SEPHS1: variants seen among roughly 807,000 people sequenced by gnomAD.
SEPHS1 encodes zincore component SEPHS1.
Under a neutral mutation model 39.2 loss-of-function variants are expected in SEPHS1, and 7 were observed. That is an observed-to-expected ratio of 0.18 (90% CI 0.10 to 0.34). The LOEUF is 0.34. Among genes scored for constraint, SEPHS1 ranks in the 10% least tolerant of loss-of-function variants. The pLI, the probability that SEPHS1 is intolerant of heterozygous loss-of-function variation, is 1.00. For synonymous variants in SEPHS1, 190 were observed against 195.5 expected (o/e 0.97, Z 0.23); for missense variants, 253 against 514.5 (o/e 0.49, Z 4.92).
At chr10:13,325,860 T>C (rs1165047873) in intron 7 of SEPHS1, among the ~76,000 whole-genome samples, 1 of 112,240 alleles carries the variant, frequency 8.9e-6, no homozygotes, top group African/African-American at 3.4e-5. Flanking sequence ...ATCACCCCAC[T>C]GCACTCCAGC....
chr10:13,339,606 G>A (rs899783837), intron 2 of SEPHS1, among the ~76,000 whole-genome samples: 1 of 151,518 alleles, frequency 6.6e-6, no homozygotes. Context: ...CTCTTATGAG[G>A]ACAGCTGTTC....
intron 7 of SEPHS1, 117 bp downstream of exon 7, chr10:13,328,234 T>G: frequency 1.5e-6 from 1 of 679,614 alleles, no homozygotes; most frequent in East Asian, 2.6e-5. Flanking sequence ...GAAGACGGTC[T>G]GTAGTCACTG....
chr10:13,333,528 C>T (rs1013450108), intron 5 of SEPHS1, among the ~76,000 whole-genome samples: 1 of 151,928 alleles, frequency 6.6e-6, no homozygotes, highest in East Asian at 1.9e-4. Flanking sequence ...GCAACCTCCA[C>T]CCCTGGGGTT....
intron 4 of SEPHS1, among the ~76,000 whole-genome samples, chr10:13,335,132 C>T (rs1257041267): frequency 6.6e-6 from 1 of 152,222 alleles, no homozygotes; most frequent in African/African-American, 2.4e-5. Flanking sequence ...AAGTACCTGT[C>T]TATCTAAATA....
intron 1 of SEPHS1, chr10:13,347,164 C>T (rs1160987056): frequency 1.3e-5 from 2 of 148,830 alleles, no homozygotes; most frequent in Non-Finnish European, 3.0e-5. Flanking sequence ...CCCTTTCCTT[C>T]CCGGGCACAT....
chr10:13,344,702 A>T (rs1342264374), intron 2 of SEPHS1, 56 bp downstream of exon 2: 3 of 1,258,292 alleles, frequency 2.4e-6, no homozygotes, highest in Non-Finnish European at 3.1e-6. Context: ...CGAGAAATCC[A>T]GTTTTTGACT....
intron 7 of SEPHS1, among the ~76,000 whole-genome samples, chr10:13,325,405 G>A (rs893485851): frequency 2.0e-5 from 3 of 152,118 alleles, no homozygotes; most frequent in Non-Finnish European, 4.4e-5. Flanking sequence ...TGAATCATGA[G>A]GGCGGTTTCC....
At chr10:13,319,420 G>A (rs1833036146) in intron 8 of SEPHS1, 64 bp from the exon 9 acceptor site, 2 of 1,546,134 alleles carry the variant, frequency 1.3e-6, no homozygotes, top group Admixed American at 1.9e-5. Context: ...TGCCTCTGCT[G>A]CTTCTGCAGA....
Position 13,329,734 on chromosome 10 carries a change from T to C in SEPHS1, c.615A>G (p.Thr205=), listed in dbSNP as rs1018642519. 4 of 1,609,446 alleles carry C rather than the reference T, an allele frequency of 2.5e-6. No individual in the cohort carries two copies. Among genetic ancestry groups the C allele is most frequent in the Non-Finnish European group, 3.4e-6 (4 of 1,178,300 alleles). The change falls in exon 6 of 9, where the codon ACA becomes ACG. Residue 205 remains threonine (T), a synonymous_variant. Transcript: ENST00000327347. The stretch of plus-strand genomic sequence containing the variant: ...ACTGGTGCACAGCCACTGCCACCTG[T>C]GTCCCCAGGGGTTTTGTCAGCACCA... The part of the protein sequence containing the change: ...DVLVLTKPLG[T]QVAVAVHQWL...
At chr10:13,335,105 G>A (rs1380568597) in intron 4 of SEPHS1, among the ~76,000 whole-genome samples, 1 of 152,222 alleles carries the variant, frequency 6.6e-6, no homozygotes, top group Non-Finnish European at 1.5e-5. Context: ...ACTGTTGGGG[G>A]CTCTTGGGAC....
At chr10:13,329,349 C>T (rs1833400561) in intron 6 of SEPHS1, among the ~76,000 whole-genome samples, 1 of 152,202 alleles carries the variant, frequency 6.6e-6, no homozygotes, top group Non-Finnish European at 1.5e-5. Flanking sequence ...ATACCCCAAA[C>T]ACTACGCCTT....
At chr10:13,324,356 C>T (rs922220870) in intron 7 of SEPHS1, among the ~76,000 whole-genome samples, 4 of 152,210 alleles carry the variant, frequency 2.6e-5, no homozygotes, top group African/African-American at 9.7e-5. Flanking sequence ...TGAATGGCTG[C>T]TTCCAAGTTC....
intron 4 of SEPHS1, among the ~76,000 whole-genome samples, chr10:13,334,430 A>G (rs1194607190): frequency 6.6e-6 from 1 of 152,252 alleles, no homozygotes; most frequent in East Asian, 1.9e-4. Flanking sequence ...AATCCCAGCT[A>G]CTTGGGAGGC....
intron 1 of SEPHS1, among the ~76,000 whole-genome samples, chr10:13,347,052 A>G (rs1833942919): frequency 6.6e-6 from 1 of 152,182 alleles, no homozygotes; most frequent in African/African-American, 2.4e-5. Context: ...TTAGGGAACC[A>G]GGGGGATCCA....
chr10:13,337,740 T>C lies in SEPHS1; in HGVS notation c.297+965A>G, dbSNP rs551315987. ...AAACAATGGACTGTGGTTTTAGCCATCCCTGCCACCTGGTCATGTGGGACC... is the reference window on the plus strand; with the variant it reads ...AAACAATGGACTGTGGTTTTAGCCACCCCTGCCACCTGGTCATGTGGGACC... On this transcript the variant is annotated intron_variant, in intron 3 of 8. Coordinates refer to ENST00000327347, the MANE Select transcript of SEPHS1 (RefSeq NM_012247.5). Among the ~76,000 whole-genome samples the C allele has an allele frequency of 5.3e-5, 8 of 152,308 alleles. No homozygotes were observed. The East Asian group carries it at 7.7e-4, about 15-fold the overall frequency.
intron 4 of SEPHS1, among the ~76,000 whole-genome samples, chr10:13,335,026 T>C (rs1244717791): frequency 6.6e-6 from 1 of 152,174 alleles, no homozygotes; most frequent in Non-Finnish European, 1.5e-5. Flanking sequence ...GCACCACTGA[T>C]GACTACAGCC....
intron 8 of SEPHS1, among the ~76,000 whole-genome samples, chr10:13,321,633 G>A (rs1298329990): frequency 6.6e-6 from 1 of 152,130 alleles, no homozygotes; most frequent in Non-Finnish European, 1.5e-5. Context: ...CCGAAAAAAA[G>A]GGAAAAACAG....
Position 13,344,763 on chromosome 10 carries a change from C to T in SEPHS1, c.188G>A (p.Arg63Lys). Residue 63 changes from arginine (R) to lysine (K), a missense_variant, in exon 2 of 9, where the codon AGG becomes AAG. Arg to Lys is a conservative substitution (Grantham distance 26, BLOSUM62 2). Coordinates refer to ENST00000327347, the MANE Select transcript of SEPHS1 (RefSeq NM_012247.5). ...DEQFLGAVMP[R>K]LGIGMDTCVI... The stretch of plus-strand genomic sequence containing the variant: ...AGAAACACTGGGTTACCTACCAAGC[C>T]TTGGCATAACGGCTCCCAGAAACTG... The T allele has an allele frequency of 6.6e-7, 1 of 1,518,720 alleles. No individual in the cohort carries two copies. 94.1% of individuals were successfully genotyped at this position (1,518,720 alleles called of 1,614,324 possible). A position where few individuals can be genotyped will look rare whatever the true frequency, so the allele number is the denominator to read the frequency against.
rs932158187 is a variant in SEPHS1 at position 13,319,894 on chromosome 10, T to C, written c.965-538A>G. On this transcript the variant is annotated intron_variant, in intron 8 of 8. Coordinates refer to ENST00000327347, the MANE Select transcript of SEPHS1 (RefSeq NM_012247.5). ...GACCTATTCGTGAACCACATAACAC[T>C]GTGTAGGGGTAAGGTGTTTGGGGCT... Among the ~76,000 whole-genome samples, 2 of 152,192 alleles carry C rather than the reference T, an allele frequency of 1.3e-5. 1 individual carries two copies. Among genetic ancestry groups the C allele is most frequent in the East Asian group, 3.9e-4 (2 of 5,186 alleles).
Sources: allele counts gnomAD v4.1 joint callset (sites outside exome capture counted in the v4.1 genomes callset), GRCh38; gene constraint gnomAD v4.1.1; transcripts MANE v1.5; gene names NCBI Gene and HGNC (gene_info 2026-07-23, HGNC 2026-07-21).